Variants in AUNIP observed in about 807,000 individuals in gnomAD.
AUNIP encodes the protein aurora kinase A- and ninein-interacting protein.
Under a neutral mutation model 12.2 loss-of-function variants are expected in AUNIP, and 16 were observed. The observed-to-expected ratio is 1.31, with a 90% CI of 0.88 to 1.99. The LOEUF is 1.99. Among genes scored for constraint, AUNIP ranks in the 30% most tolerant of loss-of-function variants. AUNIP has a pLI of 0.00. For synonymous variants in AUNIP, 142 were observed against 154.8 expected (o/e 0.92, Z 0.61); for missense variants, 411 against 419.1 (o/e 0.98, Z 0.17).
At chr1:25,856,373 AAAAC>A (rs2048460866) in intron 1 of AUNIP, among the ~76,000 whole-genome samples, 1 of 151,524 alleles carries the variant, frequency 6.6e-6, no homozygotes, top group African/African-American at 2.4e-5. Flanking sequence ...CAAAAAAAAA[AAAAC>A]AAAACAAACA....
At chr1:25,854,886 G>C (rs956305337) in intron 1 of AUNIP, among the ~76,000 whole-genome samples, 4 of 151,908 alleles carry the variant, frequency 2.6e-5, no homozygotes, top group African/African-American at 7.3e-5. Flanking sequence ...ATGACAGCTG[G>C]CTTCTCCCAA....
At chr1:25,856,523 A>G (rs1572269808) in intron 1 of AUNIP, among the ~76,000 whole-genome samples, 1 of 151,826 alleles carries the variant, frequency 6.6e-6, no homozygotes, top group South Asian at 2.1e-4. Flanking sequence ...TAAAAATACA[A>G]ATTCACCTGG....
intron 1 of AUNIP, among the ~76,000 whole-genome samples, chr1:25,849,159 A>G (rs2048408133): frequency 6.6e-6 from 1 of 152,174 alleles, no homozygotes; most frequent in African/African-American, 2.4e-5. Flanking sequence ...ACTATTCATA[A>G]TGTCCCACTG....
intron 1 of AUNIP, among the ~76,000 whole-genome samples, chr1:25,858,092 C>A (rs968673396): frequency 2.0e-5 from 3 of 152,080 alleles, no homozygotes; most frequent in Non-Finnish European, 4.4e-5. Context: ...GCGTGAACCC[C>A]GGAGGTGGGG....
At chr1:25,838,718 G>C (rs1255184365) in intron 1 of AUNIP, among the ~76,000 whole-genome samples, 1 of 152,138 alleles carries the variant, frequency 6.6e-6, no homozygotes. Context: ...AAAGTGAGTT[G>C]TCAACTAACT....
Position 25,842,218 on chromosome 1 carries a change from A to G in AUNIP, c.79-4664T>C, listed in dbSNP as rs375930591. Among the ~76,000 whole-genome samples the G allele has an allele frequency of 1.5e-3, 235 of 152,386 alleles. 1 individual carries two copies. Among genetic ancestry groups the G allele is most frequent in the Middle Eastern group, 6.8e-3 (2 of 294 alleles). ...AAGTGCCACTCCAGTGAAAACACAAATAAGAAAGCAAAACAGCCTTATTGC... is the reference window on the plus strand; with the variant it reads ...AAGTGCCACTCCAGTGAAAACACAAGTAAGAAAGCAAAACAGCCTTATTGC... On this transcript the variant is annotated intron_variant, in intron 1 of 2. Coordinates refer to ENST00000374298, the MANE Select transcript of AUNIP (RefSeq NM_024037.3).
intron 1 of AUNIP, among the ~76,000 whole-genome samples, chr1:25,843,612 AAAAAAAAAAAAG>A (rs1293751733): frequency 6.7e-6 from 1 of 150,160 alleles, no homozygotes; most frequent in African/African-American, 2.4e-5. Context: ...AAAAAAAAAA[AAAAAAAAAAAAG>A]GGATTCATGA....
At chr1:25,839,925 C>T (rs1271664278) in intron 1 of AUNIP, among the ~76,000 whole-genome samples, 4 of 152,246 alleles carry the variant, frequency 2.6e-5, no homozygotes, top group Middle Eastern at 3.4e-3. Context: ...CCTGGCCTCC[C>T]GAAGTGTTGG....
intron 1 of AUNIP, among the ~76,000 whole-genome samples, chr1:25,856,761 T>C (rs1332499819): frequency 1.3e-5 from 2 of 152,146 alleles, no homozygotes; most frequent in Non-Finnish European, 2.9e-5. Context: ...TGTGGAATAT[T>C]CCCTTTCTCG....
downstream of AUNIP, among the ~76,000 whole-genome samples, chr1:25,833,303 A>G (rs2048270391): frequency 6.6e-6 from 1 of 151,730 alleles, no homozygotes; most frequent in African/African-American, 2.4e-5. Context: ...TTTTGTAGCG[A>G]TGGGGTCTTG....
chr1:25,840,346 TAACTG>T (rs2048340232), intron 1 of AUNIP, among the ~76,000 whole-genome samples: 1 of 150,228 alleles, frequency 6.7e-6, no homozygotes, highest in Non-Finnish European at 1.5e-5. Context: ...GAGAAAAAAA[TAACTG>T]AAAAGGAAGA....
intron 2 of AUNIP, 65 bp downstream of exon 2, chr1:25,837,348 T>C (rs1350852947): frequency 1.0e-5 from 16 of 1,531,356 alleles, no homozygotes; most frequent in East Asian, 2.3e-5. Flanking sequence ...TGGTCTAACA[T>C]GGACAAATGA....
intron 1 of AUNIP, among the ~76,000 whole-genome samples, chr1:25,851,498 G>A (rs213650): frequency 0.22 from 32,712 of 152,076 alleles, 3,792 homozygotes; most frequent in African/African-American, 0.27. Flanking sequence ...TCTGGACCTG[G>A]ACTTTTCTTT....
intron 1 of AUNIP, among the ~76,000 whole-genome samples, chr1:25,843,417 T>C (rs112435508): frequency 0.026 from 3,938 of 150,708 alleles, 170 homozygotes; most frequent in African/African-American, 0.09. Flanking sequence ...GCAAAGTAAA[T>C]TGAAAATCTT....
intron 1 of AUNIP, among the ~76,000 whole-genome samples, chr1:25,839,538 T>C (rs2124498949): frequency 6.6e-6 from 1 of 152,358 alleles, no homozygotes; most frequent in East Asian, 1.9e-4. Flanking sequence ...AATCATCCTT[T>C]AGTAGTAGAG....
intron 1 of AUNIP, among the ~76,000 whole-genome samples, chr1:25,837,973 G>A (rs1055759954): frequency 6.6e-6 from 1 of 152,110 alleles, no homozygotes; most frequent in Non-Finnish European, 1.5e-5. Flanking sequence ...GGGCGCGGTG[G>A]CTCACGCCTG....
At chr1:25,841,838 A>C (rs911468948) in intron 1 of AUNIP, among the ~76,000 whole-genome samples, 1 of 152,028 alleles carries the variant, frequency 6.6e-6, no homozygotes, top group African/African-American at 2.4e-5. Context: ...AGTGATCTTT[A>C]ATGTTACTAT....
At position 25,851,997 on chromosome 1, in the gene AUNIP, G is replaced by T. The variant is rs2048426628; in HGVS notation, c.78+7283C>A. Among the ~76,000 whole-genome samples the T allele has an allele frequency of 2.0e-5, 3 of 152,128 alleles. No homozygotes were observed. The South Asian group carries it at 6.2e-4, about 31-fold the overall frequency. Reference sequence around the variant, plus strand: ...AGACAGGGTGTCACTCTCTTACCCAGGCTGGAGTGCAGTGGCTCAATCACC... The same window carrying T: ...AGACAGGGTGTCACTCTCTTACCCATGCTGGAGTGCAGTGGCTCAATCACC... On this transcript the variant is annotated intron_variant, in intron 1 of 2. Coordinates refer to ENST00000374298, the MANE Select transcript of AUNIP (RefSeq NM_024037.3).
At chr1:25,836,622 T>C (rs979733820) in intron 2 of AUNIP, among the ~76,000 whole-genome samples, 1 of 152,230 alleles carries the variant, frequency 6.6e-6, no homozygotes, top group African/African-American at 2.4e-5. Flanking sequence ...ATAAGAATTA[T>C]ACTGCAGAAA....
Sources: allele counts gnomAD v4.1 joint callset (sites outside exome capture counted in the v4.1 genomes callset), GRCh38; gene constraint gnomAD v4.1.1; transcripts MANE v1.5; gene names NCBI Gene and HGNC (gene_info 2026-07-23, HGNC 2026-07-21).